Variants in CCDC57 observed in about 807,000 individuals in gnomAD.
CCDC57 encodes coiled-coil domain containing 57.
Under a neutral mutation model 118.9 loss-of-function variants are expected in CCDC57, and 118 were observed. That is an observed-to-expected ratio of 0.99 (90% confidence interval 0.86 to 1.16). The LOEUF is 1.16. CCDC57 is among the 50% of genes most tolerant of loss of function. The probability of loss-of-function intolerance (pLI) is 0.00; values close to 1 mark genes in which losing one functional copy is unlikely to be tolerated. For synonymous variants in CCDC57, 527 were observed against 532.9 expected, an observed-to-expected ratio of 0.99 and a Z score of 0.15; for missense variants, 1,300 against 1,320.7, an observed-to-expected ratio of 0.98 and a Z score of 0.24.
At chr17:82,120,174 ATTTTTT>A (rs34212153) in intron 19 of CCDC57, among the ~76,000 whole-genome samples, 1 of 148,936 alleles carries the variant, frequency 6.7e-6, no homozygotes, top group East Asian at 2.0e-4. Context: ...TATTATTATT[ATTTTTT>A]TTTTGCAGAG....
At chr17:82,138,825 G>A (rs965605910) in intron 16 of CCDC57, among the ~76,000 whole-genome samples, 5 of 152,196 alleles carry the variant, frequency 3.3e-5, no homozygotes, top group Admixed American at 1.3e-4. Context: ...TTAGAGTCCC[G>A]AAGCCATTTG....
chr17:82,209,617 G>A (rs1464060143), intron 1 of CCDC57, among the ~76,000 whole-genome samples: 1 of 112,116 alleles, frequency 8.9e-6, no homozygotes, highest in Non-Finnish European at 1.8e-5. Flanking sequence ...AGAGTAGCTG[G>A]GACTCAGACA....
At chr17:82,111,292 G>A (rs1386337986) in intron 19 of CCDC57, among the ~76,000 whole-genome samples, 3 of 150,014 alleles carry the variant, frequency 2.0e-5, no homozygotes. Flanking sequence ...TAGTAGAGAC[G>A]GGGTTTCACT....
chr17:82,184,355 C>G (rs2046676416), intron 8 of CCDC57, among the ~76,000 whole-genome samples: 1 of 152,236 alleles, frequency 6.6e-6, no homozygotes, highest in Non-Finnish European at 1.5e-5. Context: ...CCTAGCACAG[C>G]ACCCCACGTG....
chr17:82,203,944 A>G (rs1361135178), intron 2 of CCDC57, among the ~76,000 whole-genome samples: 1 of 152,054 alleles, frequency 6.6e-6, no homozygotes, highest in East Asian at 1.9e-4. Context: ...TCCCAGAGGG[A>G]GCGGGTACAA....
At chr17:82,187,981 C>T (rs984639314) in intron 8 of CCDC57, among the ~76,000 whole-genome samples, 48 of 149,972 alleles carry the variant, frequency 3.2e-4, no homozygotes, top group Non-Finnish European at 6.1e-4. Context: ...TTATGTTATG[C>T]ATATCTTACT....
intron 16 of CCDC57, among the ~76,000 whole-genome samples, chr17:82,145,176 A>G (rs2040546544): frequency 6.7e-6 from 1 of 150,118 alleles, no homozygotes; most frequent in Non-Finnish European, 1.5e-5. Flanking sequence ...ACGTGCCCCA[A>G]CACTTGGCTA....
chr17:82,189,183 AC>A (rs1475775635), intron 7 of CCDC57, among the ~76,000 whole-genome samples: 1 of 151,908 alleles, frequency 6.6e-6, no homozygotes, highest in African/African-American at 2.4e-5. Flanking sequence ...TGGGAGGACC[AC>A]CGGAGCGTGG....
rs973645417 is a variant in CCDC57 at position 82,172,138 on chromosome 17, G to A, written c.1730-285C>T. On this transcript the variant is annotated intron_variant, in intron 12 of 19. Coordinates refer to ENST00000665763, the Ensembl canonical transcript of CCDC57. The surrounding 1 kb of genome is among the most constrained non-coding windows in gnomAD (Gnocchi z 5.2). The stretch of plus-strand genomic sequence containing the variant: ...ATCAGGAGCAAATGCTCCACCTGCC[G>A]CCAGCCCACGTGCCTCTGTGCAGAG... Among the ~76,000 whole-genome samples, 27 of 152,188 alleles carry A rather than the reference G, an allele frequency of 1.8e-4. No homozygotes were observed. Among genetic ancestry groups the A allele is most frequent in the African/African-American group, 5.6e-4 (23 of 41,430 alleles).
In CCDC57 at chr17:82,172,226, C is replaced by G. The variant is rs1234794977; in HGVS notation, c.1730-373G>C. Reference sequence around the variant, plus strand: ...CATCCCGGCATCTGCCCACCCACAGCCACTCATGGGGTCCCTGGGGGTCGG... The same window carrying G: ...CATCCCGGCATCTGCCCACCCACAGGCACTCATGGGGTCCCTGGGGGTCGG... On this transcript the variant is annotated intron_variant, in intron 12 of 19. Transcript: ENST00000665763. The surrounding 1 kb of genome is among the most constrained non-coding windows in gnomAD (Gnocchi z 5.2). Among the ~76,000 whole-genome samples, 1 of 152,230 alleles carries G rather than the reference C, an allele frequency of 6.6e-6. No homozygotes were observed. The highest frequency in any genetic ancestry group is 1.5e-5 in the Non-Finnish European group (1 of 68,038).
In CCDC57 at chr17:82,179,207, C is replaced by A. The variant is rs375135435; in HGVS notation, c.1212-18G>T. ...GCTTGTACCTAAGGACACGTCCAAC[C>A]GCTCAGCATTAATGCTTCCTGAGGT... is the stretch of plus-strand genomic sequence containing the variant. On this transcript the variant is annotated intron_variant, in intron 9 of 19. Coordinates refer to ENST00000665763, the Ensembl canonical transcript of CCDC57. 6.2e-6 allele frequency: 10 copies of A among 1,608,070 alleles called. No homozygotes were observed. The highest frequency in any genetic ancestry group is 8.5e-6 in the Non-Finnish European group (10 of 1,177,256).
At chr17:82,138,733 G>T (rs976679168) in intron 16 of CCDC57, among the ~76,000 whole-genome samples, 3 of 152,068 alleles carry the variant, frequency 2.0e-5, no homozygotes, top group Non-Finnish European at 4.4e-5. Context: ...TGTGTGTCAG[G>T]TAACTTGTTC....
intron 15 of CCDC57, chr17:82,155,296 T>C (rs1235272495): frequency 6.6e-6 from 1 of 152,278 alleles, no homozygotes. Flanking sequence ...GCCGTTCCTG[T>C]CGCGTTCCTT....
intron 16 of CCDC57, among the ~76,000 whole-genome samples, chr17:82,147,167 A>G (rs2040865282): frequency 6.6e-6 from 1 of 150,766 alleles, no homozygotes; most frequent in South Asian, 2.1e-4. Flanking sequence ...AAGGATGGAT[A>G]GGTGGGTGGG....
chr17:82,117,995 G>C (rs1354060332), intron 19 of CCDC57, among the ~76,000 whole-genome samples: 1 of 152,188 alleles, frequency 6.6e-6, no homozygotes, highest in Admixed American at 6.5e-5. Context: ...GGCCGTCCAA[G>C]TGTCCACAAA....
intron 11 of CCDC57, among the ~76,000 whole-genome samples, chr17:82,175,094 G>A (rs1196064025): frequency 1.3e-5 from 2 of 152,220 alleles, no homozygotes; most frequent in African/African-American, 4.8e-5. Flanking sequence ...TGGTGTGGCC[G>A]CTTGATAAAA....
At chr17:82,150,461 G>GCACACCCAGAACCTGGCA (rs1568271869) in intron 16 of CCDC57, among the ~76,000 whole-genome samples, 7 of 57,708 alleles carry the variant, frequency 1.2e-4, no homozygotes, top group Non-Finnish European at 7.0e-5. Context: ...AGAACCAGGC[G>GCACACCCAGAACCTGGCA]CACACCCAGA....
intron 15 of CCDC57, among the ~76,000 whole-genome samples, chr17:82,152,473 C>A (rs1409583150): frequency 6.6e-6 from 1 of 152,220 alleles, no homozygotes; most frequent in Non-Finnish European, 1.5e-5. Context: ...CCTGGGTCAA[C>A]CCTAGATCTG....
At chr17:82,180,288 C>T (rs2046041592) in intron 9 of CCDC57, among the ~76,000 whole-genome samples, 3 of 152,064 alleles carry the variant, frequency 2.0e-5, no homozygotes. Context: ...TGGAAGGGAC[C>T]CTGGGCCTCC....
Sources: gnomAD v4.1 joint callset for allele counts (sites outside exome capture counted in the v4.1 genomes callset) on GRCh38, gnomAD v4.1.1 for gene constraint, Gnocchi (gnomAD v3.1) non-coding constraint, MANE v1.5 for transcripts, NCBI Gene and HGNC (gene_info 2026-07-23, HGNC 2026-07-21) for gene names.